The following DPY19L4 variants were observed in gnomAD, a reference collection of about 807,000 sequenced individuals.
DPY19L4 encodes probable C-mannosyltransferase DPY19L4.
A neutral mutation model predicts 102.8 loss-of-function variants in DPY19L4; 97 were observed. The ratio of observed to expected loss-of-function variants is 0.94; its 90% CI spans 0.80 to 1.12. DPY19L4 has a LOEUF of 1.12. Among genes scored for constraint, DPY19L4 ranks in the 50% most tolerant of loss-of-function variants. The pLI, the probability that DPY19L4 is intolerant of heterozygous loss-of-function variation, is 0.00. For synonymous variants in DPY19L4, 252 were observed against 283.1 expected (o/e 0.89, Z 1.10); for missense variants, 815 against 850.4 (o/e 0.96, Z 0.52).
chr8:94,792,738 C>T lies in DPY19L4; in HGVS notation c.*2828C>T, dbSNP rs966152199. ...GGGCAGGGTGGCGGGCGCCTGTAGTCCCAGCTACTCCGAGGCTGAAGCAGG... is the reference window on the plus strand; with the variant it reads ...GGGCAGGGTGGCGGGCGCCTGTAGTTCCAGCTACTCCGAGGCTGAAGCAGG... On this transcript the variant is annotated 3_prime_UTR_variant, in exon 19 of 19. Coordinates refer to ENST00000414645, the MANE Select transcript of DPY19L4 (RefSeq NM_181787.3). 1 of 152,316 alleles carries T rather than the reference C, an allele frequency of 6.6e-6. No homozygotes were observed. The highest frequency in any genetic ancestry group is 2.4e-5 in the African/African-American group (1 of 41,436). The allele number at this position is 152,316 out of a possible 1,614,324, so 9.4% of individuals were successfully genotyped here.
At chr8:94,720,282 C>G in intron 1 of DPY19L4, 2 of 983,962 alleles carry the variant, frequency 2.0e-6, no homozygotes, top group African/African-American at 1.7e-5. Flanking sequence ...AAAGCTGTGC[C>G]GGGAGTGGTT....
At chr8:94,773,792 T>C (rs1813040944) in intron 13 of DPY19L4, among the ~76,000 whole-genome samples, 1 of 149,482 alleles carries the variant, frequency 6.7e-6, no homozygotes. Flanking sequence ...TCCCAGCAAT[T>C]TGGGAGACGG....
intron 7 of DPY19L4, among the ~76,000 whole-genome samples, chr8:94,757,702 GC>G (rs1411360678): frequency 7.9e-5 from 12 of 152,202 alleles, no homozygotes; most frequent in Middle Eastern, 3.4e-3. Context: ...GAGCCACTGC[GC>G]CTGGCCAAGA....
intron 7 of DPY19L4, 128 bp from the exon 8 acceptor site, chr8:94,761,572 A>T (rs752848278): frequency 1.4e-5 from 12 of 867,664 alleles, no homozygotes; most frequent in Non-Finnish European, 1.9e-5. Context: ...ATTTAAAAAC[A>T]AAGTTTCAAT....
At chr8:94,772,189 C>T (rs188037989) in intron 13 of DPY19L4, among the ~76,000 whole-genome samples, 13 of 152,140 alleles carry the variant, frequency 8.5e-5, no homozygotes, top group South Asian at 2.1e-4. Context: ...TTTTTTCATA[C>T]TCTTTTAGCA....
intron 1 of DPY19L4, among the ~76,000 whole-genome samples, chr8:94,723,639 A>G (rs769817008): frequency 1.3e-5 from 2 of 152,178 alleles, no homozygotes; most frequent in Non-Finnish European, 2.9e-5. Flanking sequence ...AGTTAGCTTT[A>G]GGGATAAGGT....
chr8:94,778,076 CA>C (rs1256255978), intron 14 of DPY19L4, among the ~76,000 whole-genome samples: 7 of 150,714 alleles, frequency 4.6e-5, no homozygotes, highest in Non-Finnish European at 7.4e-5. Context: ...ACTTAAAATA[CA>C]AAAAAAAATT....
chr8:94,745,463 C>T (rs1811631255), intron 6 of DPY19L4, among the ~76,000 whole-genome samples: 1 of 151,958 alleles, frequency 6.6e-6, no homozygotes, highest in South Asian at 2.1e-4. Flanking sequence ...TAATCTTTGG[C>T]AAAAAAGCAA....
In DPY19L4 at chr8:94,743,442, G is replaced by A. The variant is rs7829179; in HGVS notation, c.611+3652G>A. Among the ~76,000 whole-genome samples the A allele has an allele frequency of 7.4e-3, 1,121 of 151,574 alleles. 6 individuals are homozygous for A. Among genetic ancestry groups the A allele is most frequent in the African/African-American group, 0.022 (895 of 41,314 alleles). ...CACTTGAGACCTGGAGTTTGAGACC[G>A]GTCTGGGCAACATAGTGAGACCTCA... On this transcript the variant is annotated intron_variant, in intron 6 of 18. Transcript: ENST00000414645.
In DPY19L4 at chr8:94,719,976, G is replaced by A. The variant is rs1421967984; in HGVS notation, c.-23G>A. The A allele has an allele frequency of 6.6e-7, 1 of 1,513,836 alleles. No individual in the cohort carries two copies. Among genetic ancestry groups the A allele is most frequent in the Non-Finnish European group, 8.8e-7 (1 of 1,131,662 alleles). The allele number at this position is 1,513,836 out of a possible 1,614,324, so 93.8% of individuals were successfully genotyped here. ...GTCTGGGCCGCGCGGGAGCCGCAGG[G>A]CGCCCTAGCCTTCGCAGAAACGATG... On this transcript the variant is annotated 5_prime_UTR_variant, in exon 1 of 19. Coordinates refer to ENST00000414645, the MANE Select transcript of DPY19L4 (RefSeq NM_181787.3).
intron 6 of DPY19L4, among the ~76,000 whole-genome samples, chr8:94,741,713 C>T (rs1811451799): frequency 1.3e-5 from 2 of 152,182 alleles, no homozygotes; most frequent in Non-Finnish European, 2.9e-5. Flanking sequence ...TTGTCACACC[C>T]TTGGTTAATA....
rs2130964651 is a variant in DPY19L4, at chr8:94,793,758, A to G, written c.*3848A>G. 6.6e-6 allele frequency: 1 copy of G among 152,350 alleles called. No homozygotes were observed. The highest frequency in any genetic ancestry group is 2.1e-4 in the South Asian group (1 of 4,832). The allele number at this position is 152,350 out of a possible 1,614,324, so 9.4% of individuals were successfully genotyped here. A position where few individuals can be genotyped will look rare whatever the true frequency, so the allele number is the denominator to read the frequency against. On this transcript the variant is annotated 3_prime_UTR_variant, in exon 19 of 19. Transcript: ENST00000414645. ...AGGTGTGAAAATTATAAAGGAATAT[A>G]TATGACAATTATTTTCTGTACATTA...
chr8:94,778,813 A>C (rs1429913470), intron 14 of DPY19L4, among the ~76,000 whole-genome samples: 1 of 152,168 alleles, frequency 6.6e-6, no homozygotes, highest in Admixed American at 6.5e-5. Flanking sequence ...AACATGATGT[A>C]ATCAAAGGGA....
At chr8:94,749,111 G>A (rs1811806140) in intron 6 of DPY19L4, among the ~76,000 whole-genome samples, 1 of 151,682 alleles carries the variant, frequency 6.6e-6, no homozygotes, top group Non-Finnish European at 1.5e-5. Flanking sequence ...TCACTATCAC[G>A]AGAATAGCAC....
intron 13 of DPY19L4, among the ~76,000 whole-genome samples, chr8:94,776,462 C>T (rs1813186781): frequency 6.6e-6 from 1 of 151,284 alleles, no homozygotes; most frequent in African/African-American, 2.4e-5. Flanking sequence ...AGCCACTGCA[C>T]CCAGCCCCAG....
intron 1 of DPY19L4, among the ~76,000 whole-genome samples, chr8:94,723,658 T>A (rs1479411857): frequency 2.6e-5 from 4 of 152,190 alleles, no homozygotes; most frequent in African/African-American, 9.7e-5. Context: ...GTTGAAGAGA[T>A]GAGCTAAAAT....
chr8:94,726,447 TTAGA>T lies in DPY19L4; in HGVS notation c.127+11_127+14del, dbSNP rs1810694281. On this transcript the variant is annotated splice_region_variant and intron_variant, in intron 2 of 18. Coordinates refer to ENST00000414645, the MANE Select transcript of DPY19L4 (RefSeq NM_181787.3). The stretch of plus-strand genomic sequence containing the variant: ...TCCTGAAAGAGCTCCAAAACGTAAG[TTAGA>T]TAGACTTGGAATTTGTGCTACTACA... 6.3e-7 allele frequency: 1 copy of T among 1,593,196 alleles called. No individual in the cohort carries two copies. Among genetic ancestry groups the T allele is most frequent in the Non-Finnish European group, 8.5e-7 (1 of 1,172,502 alleles).
chr8:94,779,472 G>A (rs1026656321), intron 14 of DPY19L4, among the ~76,000 whole-genome samples: 1 of 147,608 alleles, frequency 6.8e-6, no homozygotes, highest in African/African-American at 2.5e-5. Flanking sequence ...TCAGGCACAC[G>A]CCACCATGCC....
chr8:94,780,538 T>A, intron 15 of DPY19L4, 123 bp downstream of exon 15: 1 of 611,100 alleles, frequency 1.6e-6, no homozygotes, highest in Non-Finnish European at 2.4e-6. Context: ...TGTAACATTC[T>A]TAGTAATGCT....
Sources: allele counts gnomAD v4.1 joint callset (sites outside exome capture counted in the v4.1 genomes callset), GRCh38; gene constraint gnomAD v4.1.1; transcripts MANE v1.5; gene names NCBI Gene and HGNC (gene_info 2026-07-23, HGNC 2026-07-21).